Variants in PRKN observed in about 807,000 individuals in gnomAD.
PRKN encodes parkin RBR E3 ubiquitin protein ligase, also known as E3 ubiquitin-protein ligase parkin.
A neutral mutation model predicts 59.5 loss-of-function variants in PRKN; 56 were observed. The ratio of observed to expected loss-of-function variants is 0.94; its 90% confidence interval spans 0.76 to 1.18. PRKN has a LOEUF of 1.18. Among genes scored for constraint, PRKN ranks in the 50% most tolerant of loss-of-function variants. The pLI is 0.00. For missense variants in PRKN, 657 were observed against 596.4 expected, an observed-to-expected ratio of 1.10 and a Z score of -1.06; for synonymous variants, 250 against 222.1, an observed-to-expected ratio of 1.13 and a Z score of -1.12.
chr6:162,619,005 A>G (rs1467756722), intron 1 of PRKN, among the ~76,000 whole-genome samples: 2 of 152,212 alleles, frequency 1.3e-5, no homozygotes, highest in Admixed American at 1.3e-4. Context: ...GTATACCAAT[A>G]AGGATTGATT....
chr6:162,481,189 A>C (rs9347650), intron 1 of PRKN, among the ~76,000 whole-genome samples: 69,650 of 151,902 alleles, frequency 0.46, 16,158 homozygotes, highest in Middle Eastern at 0.52. Context: ...AGCTATATGG[A>C]AAAGTGAAGC....
intron 7 of PRKN, among the ~76,000 whole-genome samples, chr6:161,739,562 T>C (rs1420970462): frequency 2.6e-5 from 4 of 151,798 alleles, no homozygotes; most frequent in Non-Finnish European, 5.9e-5. Context: ...TCGGGAAGAG[T>C]CGGCATGAGG....
At chr6:161,863,331 A>AT (rs549130644) in intron 6 of PRKN, among the ~76,000 whole-genome samples, 29 of 152,186 alleles carry the variant, frequency 1.9e-4, no homozygotes, top group Non-Finnish European at 3.7e-4. Flanking sequence ...TTATTAAAAA[A>AT]AAAAAGGGAA....
intron 7 of PRKN, among the ~76,000 whole-genome samples, chr6:161,639,837 G>A (rs990145125): frequency 1.3e-5 from 2 of 152,224 alleles, no homozygotes; most frequent in African/African-American, 4.8e-5. Context: ...CAAAGCAGTT[G>A]ATATTTTTGC....
At position 162,216,890 on chromosome 6, in the gene PRKN, GGGTTT is replaced by G. The variant is rs1217951607; in HGVS notation, c.413-15643_413-15639del. Among the ~76,000 whole-genome samples, 3 of 152,252 alleles carry G rather than the reference GGGTTT, an allele frequency of 2.0e-5. No individual in the cohort carries two copies. In the East Asian group the frequency reaches 5.8e-4, roughly 29 times the overall value. On this transcript the variant is annotated intron_variant, in intron 3 of 11. Transcript: ENST00000366898. ...GAAAATCACTTTGGGGGTAAAATCAGGGTTTTGGAAGAAACTGATACTTCTTATTA... is the reference window on the plus strand; with the variant it reads ...GAAAATCACTTTGGGGGTAAAATCAGTGGAAGAAACTGATACTTCTTATTA...
chr6:161,429,979 A>G lies in PRKN; in HGVS notation c.1084-43102T>C, dbSNP rs766391246. Reference sequence around the variant, plus strand: ...AGGACCATGCATTATTTACAGCAATATCTTTTTTCCTGTGCTGGTTTCTCA... The same window carrying G: ...AGGACCATGCATTATTTACAGCAATGTCTTTTTTCCTGTGCTGGTTTCTCA... On this transcript the variant is annotated intron_variant, in intron 9 of 11. Transcript: ENST00000366898. This position sits in a 1 kb window ranked among gnomAD's most constrained non-coding sequence, Gnocchi z 4.2. Among the ~76,000 whole-genome samples the G allele has an allele frequency of 7.9e-5, 12 of 152,164 alleles. No individual in the cohort carries two copies. The highest frequency in any genetic ancestry group is 1.3e-4 in the Non-Finnish European group (9 of 68,032).
Position 161,763,080 on chromosome 6 carries a change from T to C in PRKN, c.871+22692A>G, listed in dbSNP as rs566359201. On this transcript the variant is annotated intron_variant, in intron 7 of 11. Coordinates refer to ENST00000366898, the MANE Select transcript of PRKN (RefSeq NM_004562.3). ...CCTAAGGAGAGTCAACATTGTACTCTGTAACCGTTGTATTACCTATAGCAT... is the reference window on the plus strand; with the variant it reads ...CCTAAGGAGAGTCAACATTGTACTCCGTAACCGTTGTATTACCTATAGCAT... 2.6e-5 allele frequency among the ~76,000 whole-genome samples: 4 copies of C among 152,340 alleles called. No homozygotes were observed. The South Asian group carries it at 8.3e-4, about 32-fold the overall frequency.
Position 161,546,641 on chromosome 6 carries a change from C to T in PRKN, c.1083+2213G>A, listed in dbSNP as rs114469484. Among the ~76,000 whole-genome samples, 2,797 of 151,888 alleles carry T rather than the reference C, an allele frequency of 0.018. 92 individuals are homozygous for T. Among genetic ancestry groups the T allele is most frequent in the African/African-American group, 0.063 (2,608 of 41,412 alleles). ...TTGCAAACTGTGGTGGTTTAAAATA[C>T]GTTCATAAATTCTTTGACACTCTTT... On this transcript the variant is annotated intron_variant, in intron 9 of 11. Coordinates refer to ENST00000366898, the MANE Select transcript of PRKN (RefSeq NM_004562.3). The surrounding 1 kb of genome is among the most constrained non-coding windows in gnomAD (Gnocchi z 4.4).
chr6:162,207,576 C>T (rs1338220199), intron 3 of PRKN, among the ~76,000 whole-genome samples: 2 of 152,144 alleles, frequency 1.3e-5, no homozygotes, highest in African/African-American at 2.4e-5. Context: ...TCCCACTCAG[C>T]GCATGGCCCC....
At position 161,561,250 on chromosome 6, in the gene PRKN, G is replaced by A. The variant is rs537743013; in HGVS notation, c.933+8105C>T. ...ATGTTGGTAATAGTTATGATAATTA[G>A]TAGAATTAGGATAACAGTGAAGTAG... On this transcript the variant is annotated intron_variant, in intron 8 of 11. Coordinates refer to ENST00000366898, the MANE Select transcript of PRKN (RefSeq NM_004562.3). This position sits in a 1 kb window ranked among gnomAD's most constrained non-coding sequence, Gnocchi z 5.0. Among the ~76,000 whole-genome samples the A allele has an allele frequency of 2.6e-5, 4 of 152,304 alleles. No individual in the cohort carries two copies. The East Asian group carries it at 7.7e-4, about 29-fold the overall frequency.
chr6:162,016,628 C>G (rs930091514), intron 5 of PRKN, among the ~76,000 whole-genome samples: 1 of 152,112 alleles, frequency 6.6e-6, no homozygotes, highest in African/African-American at 2.4e-5. Flanking sequence ...CCCTGGAACA[C>G]TCTCCTCGTG....
chr6:162,285,931 G>C (rs984826907), intron 2 of PRKN, among the ~76,000 whole-genome samples: 1 of 152,176 alleles, frequency 6.6e-6, no homozygotes, highest in Non-Finnish European at 1.5e-5. Flanking sequence ...GGCATAGATG[G>C]AGAGATGGGC....
At position 161,483,316 on chromosome 6, in the gene PRKN, G is replaced by GTTATAGTTAATATAACTATA. The variant is rs1583134833; in HGVS notation, c.1083+65537_1083+65538insTATAGTTATATTAACTATAA. Among the ~76,000 whole-genome samples the GTTATAGTTAATATAACTATA allele has an allele frequency of 1.3e-5, 2 of 152,208 alleles. No homozygotes were observed. Among genetic ancestry groups the GTTATAGTTAATATAACTATA allele is most frequent in the East Asian group, 3.9e-4 (2 of 5,180 alleles). On this transcript the variant is annotated intron_variant, in intron 9 of 11. Coordinates refer to ENST00000366898, the MANE Select transcript of PRKN (RefSeq NM_004562.3). The surrounding 1 kb of genome is among the most constrained non-coding windows in gnomAD (Gnocchi z 5.0). Reference sequence around the variant, plus strand: ...TATTTCAGGCCAACTCCAAAGCACTGGTTAATAGTTATAAAAATGTTTCAC... The same window carrying GTTATAGTTAATATAACTATA: ...TATTTCAGGCCAACTCCAAAGCACTGTTATAGTTAATATAACTATAGTTAATAGTTATAAAAATGTTTCAC...
chr6:162,314,888 T>C (rs1284691523), intron 2 of PRKN, among the ~76,000 whole-genome samples: 5 of 152,154 alleles, frequency 3.3e-5, no homozygotes, highest in African/African-American at 1.2e-4. Context: ...TGTATGCGTT[T>C]CACAGGAACT....
chr6:161,818,994 T>G (rs1225932008), intron 6 of PRKN, among the ~76,000 whole-genome samples: 2 of 152,172 alleles, frequency 1.3e-5, no homozygotes, highest in African/African-American at 2.4e-5. Context: ...GGCATCTGAG[T>G]GCATGAATGT....
intron 1 of PRKN, among the ~76,000 whole-genome samples, chr6:162,467,271 C>G (rs1791466896): frequency 6.6e-6 from 1 of 152,118 alleles, no homozygotes; most frequent in Non-Finnish European, 1.5e-5. Context: ...ACTACTCTAT[C>G]CCCAATGTCT....
chr6:162,643,792 C>G (rs1158476489), intron 1 of PRKN: 7 of 152,054 alleles, frequency 4.6e-5, no homozygotes. Context: ...TTTTTGTCTT[C>G]TGAAGTACAC....
chr6:162,281,141 A>G (rs1348410666), intron 2 of PRKN, among the ~76,000 whole-genome samples: 1 of 152,066 alleles, frequency 6.6e-6, no homozygotes, highest in Admixed American at 6.6e-5. Context: ...GCTGGAAACC[A>G]TCATTCTGAC....
chr6:162,631,262 T>C (rs1462221028), intron 1 of PRKN, among the ~76,000 whole-genome samples: 1 of 152,160 alleles, frequency 6.6e-6, no homozygotes, highest in Non-Finnish European at 1.5e-5. Flanking sequence ...CACTCAAATA[T>C]ATTAAATAGT....
Sources: allele counts gnomAD v4.1 joint callset (sites outside exome capture counted in the v4.1 genomes callset), GRCh38; gene constraint gnomAD v4.1.1; non-coding constraint Gnocchi (gnomAD v3.1); transcripts MANE v1.5; gene names NCBI Gene and HGNC (gene_info 2026-07-23, HGNC 2026-07-21).